GPC5: variants seen among roughly 807,000 people sequenced by gnomAD.
GPC5 encodes glypican-5.
GPC5 carries 47 observed loss-of-function variants against 53.9 expected under a neutral mutation model. The ratio of observed to expected loss-of-function variants is 0.87; its 90% CI spans 0.69 to 1.11. The LOEUF (loss-of-function observed/expected upper bound fraction) is 1.11, where lower values mean the gene tolerates loss of function less well. Among genes scored for constraint, GPC5 ranks in the 50% most tolerant of loss-of-function variants. The pLI, the probability that GPC5 is intolerant of heterozygous loss-of-function variation, is 0.00. For missense variants in GPC5, 748 were observed against 713.1 expected (o/e 1.05, Z -0.56); for synonymous variants, 286 against 263.3 (o/e 1.09, Z -0.84).
intron 7 of GPC5, among the ~76,000 whole-genome samples, chr13:92,203,043 TA>T (rs775068857): frequency 3.3e-5 from 5 of 152,280 alleles, no homozygotes; most frequent in Middle Eastern, 6.8e-3. Context: ...AAAGCTTAAA[TA>T]AATATTCACC....
intron 7 of GPC5, among the ~76,000 whole-genome samples, chr13:92,421,236 A>T (rs538136950): frequency 1.3e-5 from 2 of 152,132 alleles, no homozygotes; most frequent in Admixed American, 1.3e-4. Context: ...ACAACACACA[A>T]TTCAAAATGT....
At chr13:92,255,016 A>G (rs149626109) in intron 7 of GPC5, among the ~76,000 whole-genome samples, 254 of 152,276 alleles carry the variant, frequency 1.7e-3, no homozygotes, top group African/African-American at 5.8e-3. Flanking sequence ...AAATCAAAAT[A>G]CACTATAACT....
intron 6 of GPC5, among the ~76,000 whole-genome samples, chr13:91,914,771 A>C (rs538512631): frequency 9.8e-5 from 13 of 132,510 alleles, no homozygotes; most frequent in Non-Finnish European, 2.0e-4. Context: ...ACACACACAC[A>C]CACACACAAC....
At chr13:92,295,256 T>C (rs2043026752) in intron 7 of GPC5, among the ~76,000 whole-genome samples, 1 of 152,222 alleles carries the variant, frequency 6.6e-6, no homozygotes, top group South Asian at 2.1e-4. Flanking sequence ...TAAATTTCTA[T>C]CCTGATTTCA....
chr13:91,922,081 G>A (rs775189090), intron 6 of GPC5, among the ~76,000 whole-genome samples: 3 of 152,064 alleles, frequency 2.0e-5, no homozygotes, highest in Non-Finnish European at 4.4e-5. Context: ...ATTGCCAAGA[G>A]TTGATAAACC....
intron 7 of GPC5, among the ~76,000 whole-genome samples, chr13:92,590,137 A>G (rs762565248): frequency 1.3e-5 from 2 of 152,312 alleles, no homozygotes; most frequent in South Asian, 2.1e-4. Flanking sequence ...CCCAGCCAAC[A>G]TGAGGGGATG....
chr13:92,805,835 T>C (rs1877078108), intron 7 of GPC5, among the ~76,000 whole-genome samples: 1 of 152,072 alleles, frequency 6.6e-6, no homozygotes, highest in Non-Finnish European at 1.5e-5. Context: ...AGCTTTATTG[T>C]TCCATTTATA....
chr13:91,521,692 C>T (rs925294200), intron 2 of GPC5, among the ~76,000 whole-genome samples: 1 of 152,160 alleles, frequency 6.6e-6, no homozygotes, highest in Non-Finnish European at 1.5e-5. Context: ...TTCCCACCAA[C>T]AAGAAAGCAA....
chr13:92,447,392 A>G (rs1877870981), intron 7 of GPC5: 1 of 152,144 alleles, frequency 6.6e-6, no homozygotes, highest in Middle Eastern at 3.2e-3. Flanking sequence ...AAATTTATAT[A>G]TAAAGTATAA....
intron 2 of GPC5, among the ~76,000 whole-genome samples, chr13:91,517,767 G>C (rs58329826): frequency 6.6e-6 from 1 of 152,178 alleles, no homozygotes; most frequent in Non-Finnish European, 1.5e-5. Context: ...CATGGGTGGG[G>C]AGGTCCCAGA....
At chr13:91,657,862 C>A (rs1000402044) in intron 2 of GPC5, among the ~76,000 whole-genome samples, 4 of 151,990 alleles carry the variant, frequency 2.6e-5, no homozygotes, top group Non-Finnish European at 5.9e-5. Context: ...AGTATGGTTC[C>A]TTTTAAAAAT....
intron 7 of GPC5, among the ~76,000 whole-genome samples, chr13:92,676,392 T>G (rs1227636173): frequency 9.9e-5 from 15 of 152,174 alleles, no homozygotes; most frequent in Admixed American, 9.8e-4. Flanking sequence ...ACTGTGATTT[T>G]TTTAGGAGAT....
chr13:92,109,467 A>G (rs1305947437), intron 6 of GPC5, among the ~76,000 whole-genome samples: 2 of 152,080 alleles, frequency 1.3e-5, no homozygotes, highest in Non-Finnish European at 2.9e-5. Context: ...ATTGCCCCTC[A>G]GTTGAAAATC....
intron 2 of GPC5, among the ~76,000 whole-genome samples, chr13:91,667,297 CAT>C (rs1214744723): frequency 1.3e-5 from 2 of 152,140 alleles, no homozygotes; most frequent in African/African-American, 4.8e-5. Context: ...TGGCTAGATA[CAT>C]ATGTATGTGT....
intron 7 of GPC5, among the ~76,000 whole-genome samples, chr13:92,582,454 GC>G (rs1177267782): frequency 6.6e-6 from 1 of 151,976 alleles, no homozygotes; most frequent in Non-Finnish European, 1.5e-5. Context: ...GATTCTCTCA[GC>G]TTTGTTCATT....
At chr13:92,821,651 T>C (rs767089549) in intron 7 of GPC5, among the ~76,000 whole-genome samples, 1 of 152,158 alleles carries the variant, frequency 6.6e-6, no homozygotes, top group Non-Finnish European at 1.5e-5. Flanking sequence ...TTTTTAAAAA[T>C]ACACTTGTAT....
intron 7 of GPC5, among the ~76,000 whole-genome samples, chr13:92,229,765 TAATAA>T (rs935827429): frequency 5.9e-5 from 9 of 152,078 alleles, no homozygotes; most frequent in African/African-American, 1.9e-4. Flanking sequence ...AGTTAATATA[TAATAA>T]AATATTATGG....
chr13:91,689,196 T>TG (rs2035693275), intron 2 of GPC5, among the ~76,000 whole-genome samples: 1 of 99,418 alleles, frequency 1.0e-5, no homozygotes, highest in Non-Finnish European at 1.9e-5. Context: ...TATATATATA[T>TG]ATATATATAT....
intron 7 of GPC5, among the ~76,000 whole-genome samples, chr13:92,726,101 TAG>T (rs1467787120): frequency 6.6e-6 from 1 of 151,288 alleles, no homozygotes; most frequent in Non-Finnish European, 1.5e-5. Context: ...AGCTAAAGAG[TAG>T]AGTCAGAGCT....
Sources: allele counts gnomAD v4.1 joint callset (sites outside exome capture counted in the v4.1 genomes callset), GRCh38; gene constraint gnomAD v4.1.1; transcripts MANE v1.5; gene names NCBI Gene and HGNC (gene_info 2026-07-23, HGNC 2026-07-21).